Variants in NBAS observed in about 807,000 individuals in gnomAD.
The protein encoded by NBAS is NAG/BC035112 fusion.
A neutral mutation model predicts 302.5 loss-of-function variants in NBAS; 219 were observed. That is an observed-to-expected ratio of 0.72 (90% CI 0.65 to 0.81). The LOEUF (loss-of-function observed/expected upper bound fraction) is 0.81, where lower values mean the gene tolerates loss of function less well. Among genes scored for constraint, NBAS ranks in the 30% least tolerant of loss-of-function variants. The pLI, the probability that NBAS is intolerant of heterozygous loss-of-function variation, is 0.00. For synonymous variants in NBAS, 1,118 were observed against 1,021.6 expected, an observed-to-expected ratio of 1.09 and a Z score of -1.80; for missense variants, 2,932 against 2,841.6, an observed-to-expected ratio of 1.03 and a Z score of -0.72.
chr2:15,459,410 T>G (rs1449616001), intron 21 of NBAS, among the ~76,000 whole-genome samples: 2 of 152,086 alleles, frequency 1.3e-5, no homozygotes, highest in Non-Finnish European at 2.9e-5. Context: ...AAAACATGCA[T>G]AAAATATATT....
intron 7 of NBAS, among the ~76,000 whole-genome samples, chr2:15,538,642 C>G (rs1343147010): frequency 1.3e-5 from 2 of 152,092 alleles, no homozygotes; most frequent in African/African-American, 2.4e-5. Context: ...AGGATAGAAA[C>G]TAAAAAGCAC....
the NBAS span, among the ~76,000 whole-genome samples, chr2:14,955,177 A>C: frequency 1.3e-5 from 2 of 152,212 alleles, no homozygotes; most frequent in Non-Finnish European, 2.9e-5. Flanking sequence ...TCCAAAATCC[A>C]ATAGGGCAGT....
chr2:14,842,913 A>C, the NBAS span, among the ~76,000 whole-genome samples: 1 of 152,050 alleles, frequency 6.6e-6, no homozygotes, highest in East Asian at 1.9e-4. Context: ...ATTCTCAACA[A>C]AATACTATCA....
At chr2:14,779,377 C>G in the NBAS span, among the ~76,000 whole-genome samples, 1 of 152,202 alleles carries the variant, frequency 6.6e-6, no homozygotes, top group Non-Finnish European at 1.5e-5. Context: ...AATACAATAG[C>G]TCACATCAGT....
chr2:15,490,460 C>G (rs1049745585), intron 11 of NBAS, among the ~76,000 whole-genome samples: 1 of 152,082 alleles, frequency 6.6e-6, no homozygotes, highest in African/African-American at 2.4e-5. Flanking sequence ...TACTTCAAAG[C>G]AAAATTTTAA....
intron 47 of NBAS, 83 bp from the exon 48 acceptor site, chr2:15,219,051 C>T (rs1458269803): frequency 2.6e-6 from 4 of 1,514,386 alleles, no homozygotes; most frequent in African/African-American, 1.4e-5. Flanking sequence ...GGTCACTGAC[C>T]TAACACTTGT....
Position 15,312,434 on chromosome 2 carries a change from A to C in NBAS, c.4583-3187T>G, listed in dbSNP as rs551523118. Among the ~76,000 whole-genome samples, 72 of 152,232 alleles carry C rather than the reference A, an allele frequency of 4.7e-4. No homozygotes were observed. The South Asian group carries it at 0.015, about 31-fold the overall frequency. On this transcript the variant is annotated intron_variant, in intron 38 of 51. Coordinates refer to ENST00000281513, the MANE Select transcript of NBAS (RefSeq NM_015909.4). ...AATGACAGGCGTGTGCCACCACACC[A>C]GACTATTGCTTTAAAATTTTTTTAT...
At chr2:15,283,946 G>T (rs562996226) in intron 42 of NBAS, among the ~76,000 whole-genome samples, 4 of 152,072 alleles carry the variant, frequency 2.6e-5, no homozygotes, top group Admixed American at 6.5e-5. Flanking sequence ...GTCTAGAATA[G>T]CCAGAAATGA....
rs771160016 is a variant in NBAS, at chr2:15,275,661, G to C, written c.5547C>G (p.Ile1849Met). 4 of 1,614,032 alleles carry C rather than the reference G, an allele frequency of 2.5e-6. No individual in the cohort carries two copies. In the African/African-American group the frequency reaches 4.0e-5, roughly 16 times the overall value. The change falls in exon 44 of 52, where the codon ATC (isoleucine) becomes ATG (methionine). Residue 1849 changes from isoleucine to methionine, a missense_variant. By Grantham distance (10) the Ile-to-Met change is conservative. Transcript: ENST00000281513. ...CAGTCCAGAACAACTTCTGTAACCA[G>C]ATGGTGTACAGAGAGCTTGGGGAAA... ...QMLSPSSLYT[I>M]WLQKLFWTGD...
At chr2:15,276,325 T>G (rs1572572418) in intron 43 of NBAS, among the ~76,000 whole-genome samples, 1 of 152,322 alleles carries the variant, frequency 6.6e-6, no homozygotes, top group East Asian at 1.9e-4. Context: ...CAAACAGATT[T>G]GAATGTGCCT....
the NBAS span, among the ~76,000 whole-genome samples, chr2:14,848,169 G>T: frequency 1.3e-5 from 2 of 151,842 alleles, no homozygotes; most frequent in African/African-American, 2.4e-5. Flanking sequence ...TGAGGTACCG[G>T]GTTCATCTCA....
chr2:15,341,283 A>G (rs1390689968), intron 35 of NBAS, among the ~76,000 whole-genome samples: 1 of 151,990 alleles, frequency 6.6e-6, no homozygotes, highest in Admixed American at 6.6e-5. Context: ...CTACTAAGAG[A>G]GCTGATGCTT....
At chr2:15,278,073 T>G (rs1237421125) in intron 42 of NBAS, among the ~76,000 whole-genome samples, 1 of 152,136 alleles carries the variant, frequency 6.6e-6, no homozygotes, top group Non-Finnish European at 1.5e-5. Context: ...TTCAAAAAGT[T>G]CTAAAGCAGC....
At chr2:15,438,211 C>A (rs955639930) in intron 21 of NBAS, among the ~76,000 whole-genome samples, 2 of 152,220 alleles carry the variant, frequency 1.3e-5, no homozygotes, top group African/African-American at 4.8e-5. Context: ...ATTCTGAAAT[C>A]CATTTAATCA....
chr2:15,076,368 T>C, the NBAS span, among the ~76,000 whole-genome samples: 1 of 152,228 alleles, frequency 6.6e-6, no homozygotes, highest in Non-Finnish European at 1.5e-5. Flanking sequence ...CAAACCAGTG[T>C]GCCCTTTCTG....
chr2:15,025,451 T>A, the NBAS span, among the ~76,000 whole-genome samples: 2 of 152,176 alleles, frequency 1.3e-5, no homozygotes, highest in African/African-American at 4.8e-5. Flanking sequence ...TATTTGGGCT[T>A]TTTTTGTTCC....
At chr2:14,908,925 T>A in the NBAS span, among the ~76,000 whole-genome samples, 2 of 152,096 alleles carry the variant, frequency 1.3e-5, no homozygotes, top group African/African-American at 4.8e-5. Context: ...TAGGGAATTG[T>A]AGAAAGATCC....
chr2:15,445,769 A>G (rs1298458652), intron 21 of NBAS, among the ~76,000 whole-genome samples: 2 of 152,106 alleles, frequency 1.3e-5, no homozygotes, highest in Non-Finnish European at 2.9e-5. Context: ...TGTAAAGAAG[A>G]AGGAAATTAT....
chr2:15,493,678 A>G (rs1412549264), intron 11 of NBAS, among the ~76,000 whole-genome samples: 1 of 152,066 alleles, frequency 6.6e-6, no homozygotes, highest in African/African-American at 2.4e-5. Context: ...AAAAGAAAAA[A>G]AAAAAAAAGG....
Sources: allele counts gnomAD v4.1 joint callset (sites outside exome capture counted in the v4.1 genomes callset), GRCh38; gene constraint gnomAD v4.1.1; transcripts MANE v1.5; gene names NCBI Gene and HGNC (gene_info 2026-07-23, HGNC 2026-07-21).